Variants in TTLL11 observed in about 807,000 individuals in gnomAD.
TTLL11 encodes the protein tubulin tyrosine ligase like 11.
Under a neutral mutation model 51.7 loss-of-function variants are expected in TTLL11, and 42 were observed. The ratio of observed to expected loss-of-function variants is 0.81; its 90% CI spans 0.64 to 1.05. TTLL11 has a LOEUF of 1.05. Among genes scored for constraint, TTLL11 ranks in the 50% least tolerant of loss-of-function variants. The pLI, the probability that TTLL11 is intolerant of heterozygous loss-of-function variation, is 0.00. For synonymous variants in TTLL11, 381 were observed against 383.5 expected (o/e 0.99, Z 0.08); for missense variants, 799 against 940.4 (o/e 0.85, Z 1.97).
intron 6 of TTLL11, among the ~76,000 whole-genome samples, chr9:121,942,202 C>T (rs945978745): frequency 3.9e-5 from 6 of 152,194 alleles, no homozygotes; most frequent in Admixed American, 1.3e-4. Flanking sequence ...ACTTCAAATG[C>T]ACCAGACTCA....
At chr9:121,937,053 T>C (rs1356872676) in intron 6 of TTLL11, among the ~76,000 whole-genome samples, 1 of 152,222 alleles carries the variant, frequency 6.6e-6, no homozygotes, top group Non-Finnish European at 1.5e-5. Context: ...TCCCATTGCA[T>C]GATGTTTTAC....
At chr9:121,936,266 T>TC (rs1337086745) in intron 6 of TTLL11, among the ~76,000 whole-genome samples, 1 of 78,204 alleles carries the variant, frequency 1.3e-5, no homozygotes, top group East Asian at 2.4e-4. Context: ...TCTTTCTTTC[T>TC]TTTTTTTTTT....
At chr9:121,859,092 A>G (rs1237090478) in intron 8 of TTLL11, among the ~76,000 whole-genome samples, 1 of 149,324 alleles carries the variant, frequency 6.7e-6, no homozygotes, top group African/African-American at 2.5e-5. Context: ...TGCCTACTGC[A>G]CTGGTTTACC....
Position 121,820,811 on chromosome 9 carries a change from G to A in TTLL11, c.*1776C>T, listed in dbSNP as rs1836555255. The stretch of plus-strand genomic sequence containing the variant: ...TTCCCACCTGTCCTGCCTTCTGCTT[G>A]GGAAAATAAAGTGATTGCAGAAGTC... On this transcript the variant is annotated 3_prime_UTR_variant, in exon 9 of 9. Transcript: ENST00000321582. Among the ~76,000 whole-genome samples, 1 of 151,376 alleles carries A rather than the reference G, an allele frequency of 6.6e-6. No homozygotes were observed. Among genetic ancestry groups the A allele is most frequent in the Non-Finnish European group, 1.5e-5 (1 of 67,858 alleles).
At chr9:122,043,182 G>A (rs1460415029) in intron 1 of TTLL11, among the ~76,000 whole-genome samples, 2 of 152,128 alleles carry the variant, frequency 1.3e-5, no homozygotes, top group African/African-American at 4.8e-5. Context: ...ATCAATGCAG[G>A]TGGGGGAAAA....
intron 1 of TTLL11, among the ~76,000 whole-genome samples, chr9:122,085,424 A>G (rs1460704478): frequency 2.0e-5 from 3 of 152,200 alleles, no homozygotes; most frequent in African/African-American, 7.2e-5. Context: ...GACTACATCA[A>G]GTTGACATTC....
Position 121,824,685 on chromosome 9 carries a change from G to A in TTLL11, c.1841-1806C>T, listed in dbSNP as rs556703567. 5.8e-4 allele frequency among the ~76,000 whole-genome samples: 88 copies of A among 152,222 alleles called. No individual in the cohort carries two copies. In the Middle Eastern group the frequency reaches 0.014, roughly 24 times the overall value. On this transcript the variant is annotated intron_variant, in intron 8 of 8. Transcript: ENST00000321582. Reference sequence around the variant, plus strand: ...TGTCCAAGTAAAACTGGAACCCGGGGATCTAAACCTATAGGAGTCCCTGGG... The same window carrying A: ...TGTCCAAGTAAAACTGGAACCCGGGAATCTAAACCTATAGGAGTCCCTGGG...
chr9:121,895,909 T>C (rs1179832658), intron 6 of TTLL11, among the ~76,000 whole-genome samples: 1 of 147,894 alleles, frequency 6.8e-6, no homozygotes, highest in East Asian at 2.0e-4. Context: ...TGTCCCTTTG[T>C]GTGGATGTGT....
At chr9:122,034,613 T>C (rs940059784) in intron 2 of TTLL11, among the ~76,000 whole-genome samples, 1 of 151,990 alleles carries the variant, frequency 6.6e-6, no homozygotes, top group Non-Finnish European at 1.5e-5. Context: ...AGGGAAAGAG[T>C]TTCTGGCCCC....
intron 3 of TTLL11, among the ~76,000 whole-genome samples, chr9:122,010,217 G>A (rs907869960): frequency 5.9e-5 from 9 of 152,038 alleles, no homozygotes; most frequent in African/African-American, 1.9e-4. Flanking sequence ...TAATACAACT[G>A]ACACACAATG....
intron 1 of TTLL11, among the ~76,000 whole-genome samples, chr9:122,047,139 G>A (rs1011679276): frequency 5.3e-5 from 8 of 152,198 alleles, no homozygotes; most frequent in African/African-American, 1.9e-4. Context: ...CCCGTGTCAG[G>A]TGACCACCTG....
At chr9:121,911,172 G>T (rs1009741751) in intron 6 of TTLL11, among the ~76,000 whole-genome samples, 4 of 152,194 alleles carry the variant, frequency 2.6e-5, no homozygotes, top group Admixed American at 1.3e-4. Flanking sequence ...GAGGTGGGCA[G>T]ATCACTTGAG....
At chr9:122,064,487 G>C (rs1043801805) in intron 1 of TTLL11, among the ~76,000 whole-genome samples, 4 of 152,160 alleles carry the variant, frequency 2.6e-5, no homozygotes, top group Non-Finnish European at 5.9e-5. Flanking sequence ...ACTGTATATT[G>C]GTTGCTCTCA....
chr9:122,022,498 A>G (rs537549735), intron 3 of TTLL11, among the ~76,000 whole-genome samples: 32 of 152,130 alleles, frequency 2.1e-4, no homozygotes, highest in South Asian at 4.1e-4. Context: ...AAGTGCTGAA[A>G]GAAAAACAAA....
At chr9:122,037,637 A>C (rs10985501) in intron 2 of TTLL11, among the ~76,000 whole-genome samples, 65,270 of 151,992 alleles carry the variant, frequency 0.43, 15,908 homozygotes, top group African/African-American at 0.67. Context: ...AAGATACTGG[A>C]TTCTGTGGGG....
At chr9:121,823,939 C>T (rs758335496) in intron 8 of TTLL11, among the ~76,000 whole-genome samples, 15 of 152,180 alleles carry the variant, frequency 9.9e-5, no homozygotes, top group African/African-American at 2.7e-4. Context: ...GACCCGGCCC[C>T]GGTACAGGAT....
At chr9:121,889,573 A>C (rs1197243134) in intron 6 of TTLL11, among the ~76,000 whole-genome samples, 1 of 151,746 alleles carries the variant, frequency 6.6e-6, no homozygotes, top group Non-Finnish European at 1.5e-5. Context: ...CTACTTTCTG[A>C]CTCTATGAAT....
chr9:122,062,619 C>T (rs763941126), intron 1 of TTLL11, among the ~76,000 whole-genome samples: 3 of 151,770 alleles, frequency 2.0e-5, no homozygotes, highest in Non-Finnish European at 4.4e-5. Context: ...CAGGCACCCA[C>T]CACCATGCCT....
intron 4 of TTLL11, among the ~76,000 whole-genome samples, chr9:121,979,246 A>G (rs970528040): frequency 1.3e-5 from 2 of 152,092 alleles, no homozygotes; most frequent in African/African-American, 2.4e-5. Context: ...CAGCCATGGG[A>G]GTGGGCTTGG....
Sources: gnomAD v4.1 joint callset for allele counts (sites outside exome capture counted in the v4.1 genomes callset) on GRCh38, gnomAD v4.1.1 for gene constraint, MANE v1.5 for transcripts, NCBI Gene and HGNC (gene_info 2026-07-23, HGNC 2026-07-21) for gene names.